Variants in CAMK4 observed in about 807,000 individuals in gnomAD.
The protein encoded by CAMK4 is calcium/calmodulin-dependent protein kinase type IV.
In CAMK4, 22 loss-of-function variants were observed where a neutral mutation model predicts 44.9. The ratio of observed to expected loss-of-function variants is 0.49; its 90% CI spans 0.35 to 0.70. The LOEUF (loss-of-function observed/expected upper bound fraction) is 0.70, where lower values mean the gene tolerates loss of function less well. Ranked by LOEUF, CAMK4 falls within the 30% of genes least tolerant of loss-of-function variation. The pLI, the probability that CAMK4 is intolerant of heterozygous loss-of-function variation, is 0.01. For synonymous variants in CAMK4, 218 were observed against 215.4 expected (o/e 1.01, Z -0.11); for missense variants, 498 against 586.8 (o/e 0.85, Z 1.56).
At chr5:111,274,261 T>A (rs1335051412) in intron 1 of CAMK4, among the ~76,000 whole-genome samples, 2 of 152,068 alleles carry the variant, frequency 1.3e-5, no homozygotes, top group Non-Finnish European at 2.9e-5. Context: ...TCATTCTCCC[T>A]CTCTGTTTCC....
At position 111,486,542 on chromosome 5, in the gene CAMK4, C is replaced by CCACACACACACACACAT. The variant is rs139004418; in HGVS notation, c.*2076_*2077insCACACACACACACACAT. On this transcript the variant is annotated 3_prime_UTR_variant, in exon 11 of 11. Coordinates refer to ENST00000282356, the MANE Select transcript of CAMK4 (RefSeq NM_001744.6). The stretch of plus-strand genomic sequence containing the variant: ...ACACACACACACACACACACACACA[C>CCACACACACACACACAT]GTGTTGGAAGAGCAAAGAGAGGGAA... The CCACACACACACACACAT allele has an allele frequency of 6.8e-6, 1 of 147,244 alleles. No individual in the cohort carries two copies. The highest frequency in any genetic ancestry group is 1.5e-5 in the Non-Finnish European group (1 of 67,220). The allele number at this position is 147,244 out of a possible 1,614,324, so 9.1% of individuals were successfully genotyped here.
Position 111,362,263 on chromosome 5 carries a change from T to G in CAMK4, c.241-12587T>G, listed in dbSNP as rs530551167. 1.2e-3 allele frequency among the ~76,000 whole-genome samples: 177 copies of G among 152,142 alleles called. 2 individuals are homozygous for G. The highest frequency in any genetic ancestry group is 3.4e-3 in the Middle Eastern group (1 of 294). ...GATCAAGCCAGGATTCAAATTGAAT[T>G]CTTTAAAAAATGTACAGACAAGGAT... On this transcript the variant is annotated intron_variant, in intron 2 of 10. Transcript: ENST00000282356.
intron 1 of CAMK4, among the ~76,000 whole-genome samples, chr5:111,240,711 G>A (rs1400080578): frequency 6.6e-6 from 1 of 152,164 alleles, no homozygotes; most frequent in Non-Finnish European, 1.5e-5. Flanking sequence ...ATTCTGGAAG[G>A]CCTCTCGGTA....
At chr5:111,452,621 A>G (rs1217835999) in intron 7 of CAMK4, among the ~76,000 whole-genome samples, 2 of 152,248 alleles carry the variant, frequency 1.3e-5, no homozygotes, top group Non-Finnish European at 2.9e-5. Context: ...ACTTTTTTAA[A>G]ATATTTAAAA....
chr5:111,350,216 A>G (rs1231941533), intron 2 of CAMK4, among the ~76,000 whole-genome samples: 1 of 152,070 alleles, frequency 6.6e-6, no homozygotes, highest in East Asian at 1.9e-4. Flanking sequence ...ATTTCCCACC[A>G]CATAGGAAGC....
At chr5:111,348,305 T>C (rs1749949825) in intron 2 of CAMK4, among the ~76,000 whole-genome samples, 2 of 152,034 alleles carry the variant, frequency 1.3e-5, no homozygotes, top group African/African-American at 4.8e-5. Flanking sequence ...ATGAATGCGC[T>C]GACTTATCCA....
At chr5:111,245,149 G>A (rs750156592) in intron 1 of CAMK4, among the ~76,000 whole-genome samples, 13 of 152,016 alleles carry the variant, frequency 8.6e-5, no homozygotes, top group Non-Finnish European at 1.9e-4. Context: ...TTTTACAGTT[G>A]GGGACATATT....
At chr5:111,252,929 C>A (rs531559310) in intron 1 of CAMK4, among the ~76,000 whole-genome samples, 1 of 152,162 alleles carries the variant, frequency 6.6e-6, no homozygotes, top group Non-Finnish European at 1.5e-5. Context: ...GCAAGTGATG[C>A]TACTTCTATT....
At chr5:111,372,966 A>G (rs1751068493) in intron 2 of CAMK4, among the ~76,000 whole-genome samples, 1 of 152,168 alleles carries the variant, frequency 6.6e-6, no homozygotes, top group Non-Finnish European at 1.5e-5. Context: ...TACAGATCAT[A>G]TATTCATCCT....
At chr5:111,292,716 G>A (rs1035483629) in intron 1 of CAMK4, among the ~76,000 whole-genome samples, 1 of 152,014 alleles carries the variant, frequency 6.6e-6, no homozygotes, top group Non-Finnish European at 1.5e-5. Context: ...GAGCCCAGGA[G>A]TTCGAGACCA....
chr5:111,479,294 C>G (rs2112497137), intron 9 of CAMK4, among the ~76,000 whole-genome samples: 1 of 152,316 alleles, frequency 6.6e-6, no homozygotes, highest in Non-Finnish European at 1.5e-5. Flanking sequence ...AAATGTTCCA[C>G]TGTGTTAATA....
rs1561444226 is a variant in CAMK4 at position 111,369,068 on chromosome 5, T to TA, written c.241-5781dup. 1.6e-3 allele frequency among the ~76,000 whole-genome samples: 238 copies of TA among 146,154 alleles called. 1 individual carries two copies. In the Middle Eastern group the frequency reaches 0.021, roughly 13 times the overall value. On this transcript the variant is annotated intron_variant, in intron 2 of 10. Coordinates refer to ENST00000282356, the MANE Select transcript of CAMK4 (RefSeq NM_001744.6). ...ATAATAATAATATAATAATAATAAT[T>TA]ATTATTATTATTATTGAGACAGGGT...
rs1755574665 is a variant in CAMK4 at position 111,485,267 on chromosome 5, CTG to C, written c.*803_*804del. ...AAACAGGGAAGAAAAGAAGGTAAGA[CTG>C]TACTTAAACTGATGAAGATAAGATT... is the stretch of plus-strand genomic sequence containing the variant. On this transcript the variant is annotated 3_prime_UTR_variant, in exon 11 of 11. Coordinates refer to ENST00000282356, the MANE Select transcript of CAMK4 (RefSeq NM_001744.6). 1 of 152,096 alleles carries C rather than the reference CTG, an allele frequency of 6.6e-6. No individual in the cohort carries two copies. Among genetic ancestry groups the C allele is most frequent in the South Asian group, 2.1e-4 (1 of 4,828 alleles). The allele number at this position is 152,096 out of a possible 1,614,324, so 9.4% of individuals were successfully genotyped here. A position where few individuals can be genotyped will look rare whatever the true frequency, so the allele number is the denominator to read the frequency against.
At chr5:111,372,760 G>T (rs1051583544) in intron 2 of CAMK4, among the ~76,000 whole-genome samples, 1 of 152,180 alleles carries the variant, frequency 6.6e-6, no homozygotes, top group African/African-American at 2.4e-5. Flanking sequence ...GTGGAAGACT[G>T]CTGAAACAGC....
In CAMK4 at chr5:111,488,812, T is replaced by C. The variant is rs1755719551; in HGVS notation, c.*4346T>C. The C allele has an allele frequency of 6.6e-6, 1 of 152,246 alleles. No individual in the cohort carries two copies. The highest frequency in any genetic ancestry group is 6.5e-5 in the Admixed American group (1 of 15,286). The allele number at this position is 152,246 out of a possible 1,614,324, so 9.4% of individuals were successfully genotyped here. A position where few individuals can be genotyped will look rare whatever the true frequency, so the allele number is the denominator to read the frequency against. ...GTTGACTCAATGTATAATTAACAAA[T>C]ATACATAGCAGAGTCAATTAATCAT... On this transcript the variant is annotated 3_prime_UTR_variant, in exon 11 of 11. Coordinates refer to ENST00000282356, the MANE Select transcript of CAMK4 (RefSeq NM_001744.6).
rs757739319 is a variant in CAMK4 at position 111,224,478 on chromosome 5, G to A, written c.-6G>A. ...CGGCGGCGGCTTCCGGAGTCCCGCT[G>A]CGAAGATGCTCAAAGTCACGGTGCC... On this transcript the variant is annotated 5_prime_UTR_variant, in exon 1 of 11. Coordinates refer to ENST00000282356, the MANE Select transcript of CAMK4 (RefSeq NM_001744.6). This position sits in a 1 kb window ranked among gnomAD's most constrained non-coding sequence, Gnocchi z 5.7. 5 of 1,596,268 alleles carry A rather than the reference G, an allele frequency of 3.1e-6. No individual in the cohort carries two copies. Among genetic ancestry groups the A allele is most frequent in the South Asian group, 2.2e-5 (2 of 89,518 alleles).
At chr5:111,286,009 T>C (rs897962861) in intron 1 of CAMK4, among the ~76,000 whole-genome samples, 3 of 152,282 alleles carry the variant, frequency 2.0e-5, no homozygotes, top group Admixed American at 1.3e-4. Context: ...AATGGGACAT[T>C]AGCCAGAGTC....
chr5:111,449,330 A>T, intron 7 of CAMK4, 127 bp downstream of exon 7: 1 of 513,044 alleles, frequency 1.9e-6, no homozygotes, highest in South Asian at 3.5e-5. Context: ...GCAAATCTCT[A>T]TGAGGAAGGC....
In CAMK4 at chr5:111,280,827, C is replaced by T. The variant is rs145918605; in HGVS notation, c.161+56183C>T. 4.5e-3 allele frequency among the ~76,000 whole-genome samples: 682 copies of T among 152,252 alleles called. 6 individuals are homozygous for T. The highest frequency in any genetic ancestry group is 6.6e-3 in the Non-Finnish European group (451 of 68,020). The stretch of plus-strand genomic sequence containing the variant: ...GGACCTCTGAGAATTTTAATTAAAA[C>T]GCAGAACAAAATTCAGAGTGCTTGG... On this transcript the variant is annotated intron_variant, in intron 1 of 10. Coordinates refer to ENST00000282356, the MANE Select transcript of CAMK4 (RefSeq NM_001744.6).
Sources: gnomAD v4.1 joint callset for allele counts (sites outside exome capture counted in the v4.1 genomes callset) on GRCh38, gnomAD v4.1.1 for gene constraint, Gnocchi (gnomAD v3.1) non-coding constraint, MANE v1.5 for transcripts, NCBI Gene and HGNC (gene_info 2026-07-23, HGNC 2026-07-21) for gene names.